The following RECQL5 variants were observed in gnomAD, a reference collection of about 807,000 sequenced individuals.
The protein encoded by RECQL5 is ATP-dependent DNA helicase Q5.
A neutral mutation model predicts 103.4 loss-of-function variants in RECQL5; 88 were observed. That is an observed-to-expected ratio of 0.85 (90% confidence interval 0.72 to 1.02). The LOEUF is 1.02. Ranked by LOEUF, RECQL5 falls within the 50% of genes least tolerant of loss-of-function variation. RECQL5 has a pLI of 0.00. For missense variants in RECQL5, 1,232 were observed against 1,284.3 expected (o/e 0.96, Z 0.62); for synonymous variants, 552 against 507.9 (o/e 1.09, Z -1.17).
chr17:75,660,811 T>A, intron 6 of RECQL5, 144 bp downstream of exon 6: 1 of 674,286 alleles, frequency 1.5e-6, no homozygotes, highest in Admixed American at 2.4e-5. Flanking sequence ...GCATTCAGGC[T>A]GTATTCTAAG....
At chr17:75,659,596 C>T (rs780992611) in intron 6 of RECQL5, among the ~76,000 whole-genome samples, 14 of 152,152 alleles carry the variant, frequency 9.2e-5, no homozygotes, top group Non-Finnish European at 1.6e-4. Context: ...TCAAGCAATC[C>T]TCCCATCTGG....
chr17:75,635,856 C>T (rs1050420425), intron 8 of RECQL5: 41 of 985,350 alleles, frequency 4.2e-5, no homozygotes, highest in Non-Finnish European at 4.6e-5. Context: ...CCTCGTGAGG[C>T]GCCTGGGGTT....
intron 8 of RECQL5, chr17:75,650,651 C>T (rs1392368326): frequency 6.2e-7 from 1 of 1,613,968 alleles, no homozygotes; most frequent in Non-Finnish European, 8.5e-7. Flanking sequence ...CACAGCTCCG[C>T]ATGCCTGGAC....
At position 75,661,590 on chromosome 17, in the gene RECQL5, C is replaced by A. The variant is rs781463820; in HGVS notation, c.874+16G>T. ...TCTGAGGGTGAAGAGACTCAAGTGG[C>A]CTGGGTGCCCCTTACCTGCATGGTA... On this transcript the variant is annotated intron_variant, in intron 5 of 19. Transcript: ENST00000317905. The A allele has an allele frequency of 5.6e-6, 9 of 1,599,440 alleles. No homozygotes were observed. Among genetic ancestry groups the A allele is most frequent in the Non-Finnish European group, 7.7e-6 (9 of 1,167,216 alleles).
intron 8 of RECQL5, chr17:75,637,229 T>C (rs1291030611): frequency 6.6e-6 from 1 of 152,448 alleles, no homozygotes; most frequent in Admixed American, 6.5e-5. Context: ...CCTGGGTCTC[T>C]GGGTGTGGCA....
intron 1 of RECQL5, 95 bp downstream of exon 1, chr17:75,666,948 CG>C: frequency 3.9e-6 from 1 of 257,656 alleles, no homozygotes; most frequent in East Asian, 1.2e-4. Flanking sequence ...TCTTCCACCC[CG>C]GGACCCCGAA....
Position 75,666,638 on chromosome 17 carries a change from TAC to T in RECQL5, c.-14-69_-14-68del. On this transcript the variant is annotated intron_variant, in intron 1 of 19. Coordinates refer to ENST00000317905, the MANE Select transcript of RECQL5 (RefSeq NM_004259.7). ...AGAACCCTCTGTTTTGCATTAAAAA[TAC>T]AGATTATTTTTCTGTAACAATTTGC... 4 of 1,471,354 alleles carry T rather than the reference TAC, an allele frequency of 2.7e-6. No individual in the cohort carries two copies. In the African/African-American group the frequency reaches 4.3e-5, roughly 16 times the overall value. 91.1% of individuals were successfully genotyped at this position (1,471,354 alleles called of 1,614,324 possible).
At chr17:75,633,241 TC>T (rs1458745556) in intron 8 of RECQL5, among the ~76,000 whole-genome samples, 1 of 152,144 alleles carries the variant, frequency 6.6e-6, no homozygotes, top group African/African-American at 2.4e-5. Context: ...GCTGGCTTCC[TC>T]CCCCTGCCCT....
At chr17:75,649,653 G>A (rs2148312864) in intron 8 of RECQL5, 1 of 985,458 alleles carries the variant, frequency 1.0e-6, no homozygotes, top group African/African-American at 1.7e-5. Context: ...TTTTCTTTGT[G>A]CTACACGCCA....
intron 7 of RECQL5, among the ~76,000 whole-genome samples, chr17:75,656,167 T>G (rs1222460720): frequency 1.3e-5 from 2 of 152,114 alleles, no homozygotes; most frequent in Non-Finnish European, 2.9e-5. Flanking sequence ...CTCCACCTCG[T>G]GGGTTCAAGT....
At chr17:75,665,380 A>C (rs1391628114) in intron 2 of RECQL5, among the ~76,000 whole-genome samples, 1 of 152,170 alleles carries the variant, frequency 6.6e-6, no homozygotes, top group Non-Finnish European at 1.5e-5. Flanking sequence ...CATTTCTAGT[A>C]ATGGTTAAAA....
At chr17:75,653,884 ACTGT>A (rs1387803096) in intron 7 of RECQL5, among the ~76,000 whole-genome samples, 6 of 151,798 alleles carry the variant, frequency 4.0e-5, no homozygotes, top group Non-Finnish European at 7.4e-5. Flanking sequence ...CACGACAAAG[ACTGT>A]CTGAAAAACA....
intron 1 of RECQL5, chr17:75,666,798 G>A (rs1352655144): frequency 3.9e-6 from 2 of 515,476 alleles, no homozygotes; most frequent in African/African-American, 1.9e-5. Flanking sequence ...AACTATTCCA[G>A]GCCACGGTAT....
intron 8 of RECQL5, among the ~76,000 whole-genome samples, chr17:75,643,854 G>T (rs2059460005): frequency 6.6e-6 from 1 of 152,224 alleles, no homozygotes; most frequent in Admixed American, 6.5e-5. Context: ...AGCATCCTAA[G>T]TGGTCCCCAC....
rs781397437 is a variant in RECQL5 at position 75,647,549 on chromosome 17, C to T, written c.1229+3637G>A. Reference sequence around the variant, plus strand: ...TCCACAGAAAACACTCAGTGTGAAGCGGGTGAAGAGGAGTGACCTGACTTG... The same window carrying T: ...TCCACAGAAAACACTCAGTGTGAAGTGGGTGAAGAGGAGTGACCTGACTTG... On this transcript the variant is annotated intron_variant, in intron 8 of 19. Coordinates refer to ENST00000317905, the MANE Select transcript of RECQL5 (RefSeq NM_004259.7). 6 of 1,550,040 alleles carry T rather than the reference C, an allele frequency of 3.9e-6. No homozygotes were observed. The African/African-American group carries it at 4.1e-5, about 11-fold the overall frequency.
chr17:75,629,949 G>C (rs2059175764), intron 14 of RECQL5, 107 bp from the exon 15 acceptor site: 1 of 1,418,554 alleles, frequency 7.0e-7, no homozygotes, highest in Non-Finnish European at 9.4e-7. Context: ...TCTGTGGCCA[G>C]TGGCCACAGG....
rs1292260274 is a variant in RECQL5, at chr17:75,627,170, G to C, written c.*252C>G. Reference sequence around the variant, plus strand: ...CCACCACCCTCCACCTTCTGTCCTCGACATGTGTCCCAGAAAACCCAGCCA... The same window carrying C: ...CCACCACCCTCCACCTTCTGTCCTCCACATGTGTCCCAGAAAACCCAGCCA... On this transcript the variant is annotated 3_prime_UTR_variant, in exon 20 of 20. Coordinates refer to ENST00000317905, the MANE Select transcript of RECQL5 (RefSeq NM_004259.7). The C allele has an allele frequency of 4.9e-6, 3 of 609,480 alleles. No individual in the cohort carries two copies. The highest frequency in any genetic ancestry group is 4.6e-5 in the South Asian group (3 of 65,858). The allele number at this position is 609,480 out of a possible 1,614,324, so 37.8% of individuals were successfully genotyped here.
intron 10 of RECQL5, 63 bp downstream of exon 10, chr17:75,631,087 C>G: frequency 6.2e-7 from 1 of 1,610,994 alleles, no homozygotes; most frequent in East Asian, 2.2e-5. Flanking sequence ...AGAGAAGGGG[C>G]TGAGAGGTGC....
chr17:75,660,762 C>T (rs970303929), intron 6 of RECQL5, among the ~76,000 whole-genome samples, 193 bp downstream of exon 6: 1 of 152,296 alleles, frequency 6.6e-6, no homozygotes, highest in East Asian at 1.9e-4. Context: ...AGAACCATGC[C>T]GTGCAGTCAC....
Sources: gnomAD v4.1 joint callset for allele counts (sites outside exome capture counted in the v4.1 genomes callset) on GRCh38, gnomAD v4.1.1 for gene constraint, MANE v1.5 for transcripts, NCBI Gene and HGNC (gene_info 2026-07-23, HGNC 2026-07-21) for gene names.